CCDC6: variants seen among roughly 807,000 people sequenced by gnomAD.
CCDC6 encodes the protein coiled-coil domain containing 6.
A neutral mutation model predicts 56.6 loss-of-function variants in CCDC6; 20 were observed. The ratio of observed to expected loss-of-function variants is 0.35; its 90% confidence interval spans 0.25 to 0.51. CCDC6 has a LOEUF of 0.51. Among genes scored for constraint, CCDC6 ranks in the 20% least tolerant of loss-of-function variants. The probability of loss-of-function intolerance (pLI) is 0.95; values close to 1 mark genes in which losing one functional copy is unlikely to be tolerated. For missense variants in CCDC6, 367 were observed against 601.1 expected, an observed-to-expected ratio of 0.61 and a Z score of 4.07; for synonymous variants, 241 against 234.4, an observed-to-expected ratio of 1.03 and a Z score of -0.26.
rs563630486 is a variant in CCDC6 at position 59,794,656 on chromosome 10, T to G, written c.1106-59A>C. ...AGCTCAACTATCTGGTGTCTTCAACTATCTAGGAGGTTTTAAATCGCAGTA... is the reference window on the plus strand; with the variant it reads ...AGCTCAACTATCTGGTGTCTTCAACGATCTAGGAGGTTTTAAATCGCAGTA... On this transcript the variant is annotated intron_variant, in intron 7 of 8. Coordinates refer to ENST00000263102, the MANE Select transcript of CCDC6 (RefSeq NM_005436.5). 2.1e-4 allele frequency: 320 copies of G among 1,514,288 alleles called. 4 individuals carry two copies. The South Asian group carries it at 3.5e-3, about 17-fold the overall frequency. 93.8% of individuals were successfully genotyped at this position (1,514,288 alleles called of 1,614,324 possible). A position where few individuals can be genotyped will look rare whatever the true frequency, so the allele number is the denominator to read the frequency against.
At position 59,850,056 on chromosome 10, in the gene CCDC6, A is replaced by G. The variant is rs191118373; in HGVS notation, c.453+2497T>C. Among the ~76,000 whole-genome samples, 57 of 152,314 alleles carry G rather than the reference A, an allele frequency of 3.7e-4. 1 individual carries two copies. Among genetic ancestry groups the G allele is most frequent in the African/African-American group, 1.3e-3 (56 of 41,578 alleles). Reference sequence around the variant, plus strand: ...AGGTTCTTAGGCACTATCAAAAAATAGACATGTTGTGACACCTGGTGTCTA... The same window carrying G: ...AGGTTCTTAGGCACTATCAAAAAATGGACATGTTGTGACACCTGGTGTCTA... On this transcript the variant is annotated intron_variant, in intron 2 of 8. Coordinates refer to ENST00000263102, the MANE Select transcript of CCDC6 (RefSeq NM_005436.5).
intron 1 of CCDC6, among the ~76,000 whole-genome samples, chr10:59,899,591 C>A (rs1033335503): frequency 3.9e-5 from 6 of 152,294 alleles, no homozygotes; most frequent in South Asian, 2.1e-4. Context: ...TATTTATTTG[C>A]ATTACTGCAT....
intron 1 of CCDC6, among the ~76,000 whole-genome samples, chr10:59,883,980 G>C (rs2071365049): frequency 6.6e-6 from 1 of 152,168 alleles, no homozygotes; most frequent in Non-Finnish European, 1.5e-5. Flanking sequence ...TGACTTGAGA[G>C]AGTGACCCAT....
chr10:59,875,029 T>C (rs1371332791), intron 1 of CCDC6, among the ~76,000 whole-genome samples: 1 of 152,222 alleles, frequency 6.6e-6, no homozygotes, highest in Non-Finnish European at 1.5e-5. Context: ...TAGGCACTAA[T>C]AAATGACGGT....
chr10:59,800,337 G>A (rs1226498591), intron 7 of CCDC6, among the ~76,000 whole-genome samples: 2 of 152,156 alleles, frequency 1.3e-5, no homozygotes, highest in Admixed American at 6.5e-5. Context: ...ACGCATCCTA[G>A]CAATGACTGA....
intron 6 of CCDC6, among the ~76,000 whole-genome samples, chr10:59,805,901 C>A (rs571042819): frequency 2.0e-5 from 3 of 152,066 alleles, no homozygotes; most frequent in Non-Finnish European, 4.4e-5. Context: ...AGATCCATTC[C>A]ATAATAGAAA....
chr10:59,804,306 A>G, intron 7 of CCDC6, 114 bp downstream of exon 7: 1 of 675,806 alleles, frequency 1.5e-6, no homozygotes, highest in South Asian at 1.8e-5. Flanking sequence ...TGAAAAAGAC[A>G]TGATTATTAT....
intron 1 of CCDC6, among the ~76,000 whole-genome samples, chr10:59,890,463 G>A (rs2071413762): frequency 6.6e-6 from 1 of 152,118 alleles, no homozygotes. Flanking sequence ...GTTTGTGGGG[G>A]AAGAAAACAG....
At chr10:59,875,873 G>T (rs1471871967) in intron 1 of CCDC6, among the ~76,000 whole-genome samples, 1 of 152,054 alleles carries the variant, frequency 6.6e-6, no homozygotes, top group East Asian at 1.9e-4. Context: ...CCTGCCACAT[G>T]ACATTCTGAA....
chr10:59,897,984 C>A (rs140596396), intron 1 of CCDC6, among the ~76,000 whole-genome samples: 25 of 152,308 alleles, frequency 1.6e-4, no homozygotes, highest in African/African-American at 5.5e-4. Flanking sequence ...CCTGGCACCA[C>A]AAGGCTGGAT....
chr10:59,866,954 G>A (rs917540881), intron 1 of CCDC6, among the ~76,000 whole-genome samples: 1 of 152,188 alleles, frequency 6.6e-6, no homozygotes, highest in East Asian at 1.9e-4. Flanking sequence ...GGGTGACCAA[G>A]AGGTACTCTT....
intron 1 of CCDC6, among the ~76,000 whole-genome samples, chr10:59,869,021 A>G (rs1347793477): frequency 1.3e-5 from 2 of 152,198 alleles, no homozygotes; most frequent in East Asian, 3.9e-4. Context: ...CTAGCAAATC[A>G]CCAAACCTGA....
rs1024837553 is a variant in CCDC6 at position 59,790,630 on chromosome 10, G to A, written c.*2287C>T. 9.0e-6 allele frequency: 2 copies of A among 221,588 alleles called. No homozygotes were observed. Among genetic ancestry groups the A allele is most frequent in the African/African-American group, 4.5e-5 (2 of 44,564 alleles). 13.7% of individuals were successfully genotyped at this position (221,588 alleles called of 1,614,324 possible). The stretch of plus-strand genomic sequence containing the variant: ...TCTATCAGTTCTGAATGTCCACAGG[G>A]AGAGGCAACTAGATTTATGTGGAAA... On this transcript the variant is annotated 3_prime_UTR_variant, in exon 9 of 9. Coordinates refer to ENST00000263102, the MANE Select transcript of CCDC6 (RefSeq NM_005436.5).
chr10:59,884,988 C>T (rs1293008597), intron 1 of CCDC6, among the ~76,000 whole-genome samples: 1 of 151,856 alleles, frequency 6.6e-6, no homozygotes, highest in African/African-American at 2.4e-5. Context: ...TGCTTGAACC[C>T]GGGAGACAGA....
At chr10:59,875,101 C>T (rs977570005) in intron 1 of CCDC6, among the ~76,000 whole-genome samples, 4 of 152,070 alleles carry the variant, frequency 2.6e-5, no homozygotes, top group African/African-American at 4.8e-5. Flanking sequence ...TGTCATGATA[C>T]GTGTTCAGTT....
chr10:59,854,147 G>C (rs749286289), intron 1 of CCDC6, among the ~76,000 whole-genome samples: 14 of 152,188 alleles, frequency 9.2e-5, no homozygotes, highest in Admixed American at 2.6e-4. Context: ...GAAGACGAAA[G>C]GGCACCCACA....
intron 7 of CCDC6, among the ~76,000 whole-genome samples, chr10:59,802,380 A>C (rs926606945): frequency 2.0e-5 from 3 of 152,238 alleles, no homozygotes; most frequent in Non-Finnish European, 4.4e-5. Context: ...GCATATTTCC[A>C]CTAAGGAAGT....
chr10:59,838,245 C>T (rs3862859), intron 2 of CCDC6, among the ~76,000 whole-genome samples: 62,752 of 151,548 alleles, frequency 0.41, 13,189 homozygotes, highest in African/African-American at 0.49. Flanking sequence ...CACACACACT[C>T]TCCTTTGTGT....
intron 1 of CCDC6, among the ~76,000 whole-genome samples, chr10:59,867,611 T>C (rs1328466357): frequency 6.6e-6 from 1 of 152,202 alleles, no homozygotes; most frequent in Non-Finnish European, 1.5e-5. Context: ...TGAAGTGCAG[T>C]GGCACTATCA....
Sources: gnomAD v4.1 joint callset for allele counts (sites outside exome capture counted in the v4.1 genomes callset) on GRCh38, gnomAD v4.1.1 for gene constraint, MANE v1.5 for transcripts, NCBI Gene and HGNC (gene_info 2026-07-23, HGNC 2026-07-21) for gene names.